SLC38A9: variants seen among roughly 807,000 people sequenced by gnomAD.
SLC38A9 encodes solute carrier family 38 member 9.
A neutral mutation model predicts 62.3 loss-of-function variants in SLC38A9; 48 were observed. The observed-to-expected ratio is 0.77, with a 90% CI of 0.61 to 0.98. The LOEUF (loss-of-function observed/expected upper bound fraction) is 0.98, where lower values mean the gene tolerates loss of function less well. Among genes scored for constraint, SLC38A9 ranks in the 50% least tolerant of loss-of-function variants. The probability of loss-of-function intolerance (pLI) is 0.00; values close to 1 mark genes in which losing one functional copy is unlikely to be tolerated. For synonymous variants in SLC38A9, 204 were observed against 227.7 expected (o/e 0.90, Z 0.94); for missense variants, 541 against 679.8 (o/e 0.80, Z 2.27).
chr5:55,626,888 C>A (rs947260693), intron 15 of SLC38A9, among the ~76,000 whole-genome samples: 3 of 152,128 alleles, frequency 2.0e-5, no homozygotes, highest in Admixed American at 2.0e-4. Flanking sequence ...TTAACAAAGA[C>A]TTTTTATTCA....
chr5:55,679,168 G>A (rs1580319829), intron 3 of SLC38A9, among the ~76,000 whole-genome samples: 1 of 151,870 alleles, frequency 6.6e-6, no homozygotes, highest in East Asian at 1.9e-4. Flanking sequence ...AGAAGTATAT[G>A]TACATAATTT....
rs377096505 is a variant in SLC38A9 at position 55,649,352 on chromosome 5, G to T, written c.953-38C>A. ...AATTCAGAAACCATTTATTATCTTTGTGTGTTTTACAGATTATTTTAAAAT... is the reference window on the plus strand; with the variant it reads ...AATTCAGAAACCATTTATTATCTTTTTGTGTTTTACAGATTATTTTAAAAT... On this transcript the variant is annotated intron_variant, in intron 10 of 15. Transcript: ENST00000396865. 7.9e-6 allele frequency: 10 copies of T among 1,261,306 alleles called. No individual in the cohort carries two copies. The African/African-American group carries it at 1.2e-4, about 15-fold the overall frequency. 78.1% of individuals were successfully genotyped at this position (1,261,306 alleles called of 1,614,324 possible).
intron 3 of SLC38A9, chr5:55,691,364 C>T: frequency 2.1e-6 from 3 of 1,411,406 alleles, no homozygotes; most frequent in Non-Finnish European, 2.8e-6. Flanking sequence ...AAAGAATTGC[C>T]TAAGGGGTTA....
chr5:55,628,758 T>A (rs1742914536), intron 14 of SLC38A9, among the ~76,000 whole-genome samples: 1 of 152,148 alleles, frequency 6.6e-6, no homozygotes, highest in South Asian at 2.1e-4. Context: ...GAAGAGAATA[T>A]TTACTAAATA....
intron 2 of SLC38A9, among the ~76,000 whole-genome samples, chr5:55,707,796 T>C (rs535173880): frequency 9.2e-5 from 14 of 152,322 alleles, no homozygotes; most frequent in African/African-American, 3.4e-4. Flanking sequence ...TGTTATAGTA[T>C]TAACAGGTAG....
intron 12 of SLC38A9, among the ~76,000 whole-genome samples, chr5:55,636,970 C>T (rs1744503045): frequency 6.6e-6 from 1 of 152,182 alleles, no homozygotes; most frequent in African/African-American, 2.4e-5. Flanking sequence ...AGAGTTCAGT[C>T]ACCCCTAGGG....
At chr5:55,697,768 A>G in intron 3 of SLC38A9, 78 bp downstream of exon 3, 1 of 675,586 alleles carries the variant, frequency 1.5e-6, no homozygotes, top group Non-Finnish European at 2.4e-6. Flanking sequence ...TCAAATCTAT[A>G]CATGTTTGGT....
rs1170070200 is a variant in SLC38A9 at position 55,695,797 on chromosome 5, G to C, written c.113+2049C>G. Among the ~76,000 whole-genome samples the C allele has an allele frequency of 3.8e-5, 3 of 78,408 alleles. 1 individual carries two copies. The highest frequency in any genetic ancestry group is 3.1e-5 in the Non-Finnish European group (1 of 31,752). The allele number at this position is 78,408 out of a possible 152,430, so 51.4% of individuals were successfully genotyped here. A position where few individuals can be genotyped will look rare whatever the true frequency, so the allele number is the denominator to read the frequency against. On this transcript the variant is annotated intron_variant, in intron 3 of 15. Coordinates refer to ENST00000396865, the MANE Select transcript of SLC38A9 (RefSeq NM_173514.4). The stretch of plus-strand genomic sequence containing the variant: ...GAGCTGTTGGGCACACCTCCCAGAC[G>C]GGGTGGTGGCCGGGCAGAGGGGCTC...
intron 3 of SLC38A9, chr5:55,692,599 T>C: frequency 1.0e-6 from 1 of 983,966 alleles, no homozygotes. Flanking sequence ...CCTAGGTAGT[T>C]ATGCCATGAT....
chr5:55,676,591 G>C (rs906526667), intron 3 of SLC38A9, among the ~76,000 whole-genome samples: 6 of 152,112 alleles, frequency 3.9e-5, no homozygotes, highest in African/African-American at 1.2e-4. Flanking sequence ...ATTTAGTAGA[G>C]AGACTCAAAA....
chr5:55,628,397 T>C (rs953934176), intron 14 of SLC38A9, among the ~76,000 whole-genome samples: 4 of 152,100 alleles, frequency 2.6e-5, no homozygotes, highest in African/African-American at 9.7e-5. Context: ...AAATAACTTA[T>C]CACCATTACC....
chr5:55,641,235 C>T (rs182955117), intron 12 of SLC38A9, among the ~76,000 whole-genome samples: 59 of 152,284 alleles, frequency 3.9e-4, no homozygotes, highest in African/African-American at 1.4e-3. Flanking sequence ...GAACTATGTT[C>T]GCCTCCTTCT....
At chr5:55,711,201 G>A (rs1263728880) in intron 2 of SLC38A9, among the ~76,000 whole-genome samples, 1 of 151,454 alleles carries the variant, frequency 6.6e-6, no homozygotes, top group Admixed American at 6.6e-5. Flanking sequence ...GGTGAGGCAC[G>A]AGAATCGCTT....
intron 10 of SLC38A9, among the ~76,000 whole-genome samples, chr5:55,651,394 C>T (rs186974868): frequency 1.5e-4 from 23 of 151,726 alleles, no homozygotes; most frequent in African/African-American, 5.6e-4. Flanking sequence ...GGATTACAGG[C>T]ACCAGCCACC....
In SLC38A9 at chr5:55,672,641, C is replaced by A; in HGVS notation, c.168G>T (p.Arg56Ser). The change falls in exon 4 of 16, where the codon AGG (arginine) becomes AGT (serine). Residue 56 changes from arginine to serine, a missense_variant. Physicochemically the swap from Arg to Ser is moderately radical, Grantham distance 110. Transcript: ENST00000396865. Reference sequence around the variant, plus strand: ...TCATGGCAGAGGCATGGTCACTAACCCTCTGAATGACATGATTCACATTCA... The same window carrying A: ...TCATGGCAGAGGCATGGTCACTAACACTCTGAATGACATGATTCACATTCA... ...NIVNVNHVIQ[R>S]VSDHASAMNK... 6.2e-7 allele frequency: 1 copy of A among 1,614,018 alleles called. No homozygotes were observed. The highest frequency in any genetic ancestry group is 8.5e-7 in the Non-Finnish European group (1 of 1,180,002).
At chr5:55,702,892 C>CAGTA in intron 2 of SLC38A9, 1 of 151,944 alleles carries the variant, frequency 6.6e-6, no homozygotes, top group Non-Finnish European at 1.5e-5. Context: ...TAGCTTAGTC[C>CAGTA]TACTAAAGAC....
intron 2 of SLC38A9, among the ~76,000 whole-genome samples, chr5:55,701,212 C>T (rs4865973): frequency 0.6 from 91,161 of 151,900 alleles, 27,922 homozygotes; most frequent in South Asian, 0.7. Context: ...ACAATTTCCA[C>T]ACTAATATCT....
At chr5:55,692,898 CT>C (rs1321752781) in intron 3 of SLC38A9, 1 of 978,440 alleles carries the variant, frequency 1.0e-6, no homozygotes, top group African/African-American at 1.8e-5. Flanking sequence ...ATTTCATTAT[CT>C]TTTCTGATGG....
chr5:55,637,277 A>G (rs1227408247), intron 12 of SLC38A9, among the ~76,000 whole-genome samples: 1 of 152,192 alleles, frequency 6.6e-6, no homozygotes, highest in Non-Finnish European at 1.5e-5. Flanking sequence ...GTACCATAGC[A>G]TACCTAGGGG....
Sources: gnomAD v4.1 joint callset for allele counts (sites outside exome capture counted in the v4.1 genomes callset) on GRCh38, gnomAD v4.1.1 for gene constraint, MANE v1.5 for transcripts, NCBI Gene and HGNC (gene_info 2026-07-23, HGNC 2026-07-21) for gene names.